RBM19: variants seen among roughly 807,000 people sequenced by gnomAD.
RBM19 encodes RNA binding motif protein 19.
RBM19 carries 94 observed loss-of-function variants against 116.8 expected under a neutral mutation model. That is an observed-to-expected ratio of 0.80 (90% CI 0.68 to 0.95). The LOEUF is 0.95. Ranked by LOEUF, RBM19 falls within the 40% of genes least tolerant of loss-of-function variation. The pLI is 0.00. For missense variants in RBM19, 1,161 were observed against 1,220.7 expected (o/e 0.95, Z 0.73); for synonymous variants, 475 against 494.1 (o/e 0.96, Z 0.51).
chr12:113,931,599 T>C (rs1869605877), intron 16 of RBM19, among the ~76,000 whole-genome samples: 3 of 152,192 alleles, frequency 2.0e-5, no homozygotes, highest in Non-Finnish European at 4.4e-5. Flanking sequence ...CCACCTTCCC[T>C]GACTTCATCC....
At chr12:113,948,469 A>C (rs539551261) in intron 10 of RBM19, among the ~76,000 whole-genome samples, 1 of 152,350 alleles carries the variant, frequency 6.6e-6, no homozygotes, top group Admixed American at 6.5e-5. Flanking sequence ...TCATCAGGTG[A>C]AACCTGTACA....
At chr12:113,858,980 A>AAAT in intron 21 of RBM19, 84 bp from the exon 22 acceptor site, 1 of 1,251,898 alleles carries the variant, frequency 8.0e-7, no homozygotes, top group Non-Finnish European at 1.2e-6. Flanking sequence ...TCTCACATGT[A>AAAT]AATCCCTTTG....
intron 22 of RBM19, among the ~76,000 whole-genome samples, chr12:113,858,128 C>G (rs1266183852): frequency 6.6e-6 from 1 of 152,244 alleles, no homozygotes; most frequent in African/African-American, 2.4e-5. Flanking sequence ...CTTGTTCACA[C>G]AGCCTCTGCC....
chr12:113,941,774 G>A (rs1452048307), intron 14 of RBM19, among the ~76,000 whole-genome samples: 1 of 152,194 alleles, frequency 6.6e-6, no homozygotes, highest in Non-Finnish European at 1.5e-5. Context: ...GCTGTTTTGG[G>A]AGTCAGAAGC....
At chr12:113,856,488 G>T (rs746518540) in intron 22 of RBM19, among the ~76,000 whole-genome samples, 1 of 152,246 alleles carries the variant, frequency 6.6e-6, no homozygotes, top group Non-Finnish European at 1.5e-5. Context: ...TGTCAACTCG[G>T]CATCAACCTC....
At chr12:113,919,537 C>G (rs1252866924) in intron 19 of RBM19, among the ~76,000 whole-genome samples, 2 of 152,196 alleles carry the variant, frequency 1.3e-5, no homozygotes, top group Non-Finnish European at 2.9e-5. Context: ...CGCCACTGCA[C>G]TCCAGCCTGG....
Position 113,942,392 on chromosome 12 carries a change from T to A in RBM19, c.1669A>T (p.Thr557Ser). Residue 557 changes from threonine (T) to serine (S), a missense_variant, in exon 14 of 24, where the codon ACC becomes TCC. By Grantham distance (58) the Thr-to-Ser change is moderately conservative. Coordinates refer to ENST00000261741, the MANE Select transcript of RBM19 (RefSeq NM_016196.4). ...CGCCGCACTTCCTGGACGAGCTGGG[T>A]TTCCCCCAGAGCCACGCGCACGGCC... Reference protein sequence around the residue: ...SVAVRVALGETQLVQEVRRFL... With the variant: ...SVAVRVALGESQLVQEVRRFL... The A allele has an allele frequency of 3.7e-6, 6 of 1,609,316 alleles. No individual in the cohort carries two copies. Among genetic ancestry groups the A allele is most frequent in the Non-Finnish European group, 5.1e-6 (6 of 1,179,908 alleles).
At chr12:113,913,807 TGTTCACCCACGC>T (rs900972438) in intron 21 of RBM19, among the ~76,000 whole-genome samples, 1 of 152,202 alleles carries the variant, frequency 6.6e-6, no homozygotes, top group Non-Finnish European at 1.5e-5. Flanking sequence ...GAATCCTAAA[TGTTCACCCACGC>T]GCAGGCCATG....
intron 16 of RBM19, among the ~76,000 whole-genome samples, chr12:113,932,081 CCCTTAT>C (rs2135888955): frequency 6.6e-6 from 1 of 152,296 alleles, no homozygotes; most frequent in Non-Finnish European, 1.5e-5. Flanking sequence ...CATGAAATAG[CCCTTAT>C]TGTGATCGAG....
At chr12:113,952,000 A>T (rs12581182) in intron 8 of RBM19, among the ~76,000 whole-genome samples, 12,474 of 152,160 alleles carry the variant, frequency 0.082, 592 homozygotes, top group East Asian at 0.11. Context: ...ACAGGTGCCC[A>T]CCTCCCCGAG....
chr12:113,876,396 G>A (rs1200291065), intron 21 of RBM19, among the ~76,000 whole-genome samples: 1 of 152,152 alleles, frequency 6.6e-6, no homozygotes, highest in Non-Finnish European at 1.5e-5. Flanking sequence ...TGTGAAATGG[G>A]GACAATGGTC....
intron 4 of RBM19, 91 bp downstream of exon 4, chr12:113,959,774 C>T (rs1454401976): frequency 1.4e-6 from 2 of 1,478,626 alleles, no homozygotes; most frequent in Non-Finnish European, 9.4e-7. Flanking sequence ...TCCTAGCCTC[C>T]ACCCTCTCCC....
At chr12:113,913,671 C>G (rs1882592744) in intron 21 of RBM19, among the ~76,000 whole-genome samples, 1 of 152,218 alleles carries the variant, frequency 6.6e-6, no homozygotes, top group Non-Finnish European at 1.5e-5. Flanking sequence ...TTTCTCATCT[C>G]CAAAACACAA....
At chr12:113,926,711 C>T (rs954147534) in intron 17 of RBM19, among the ~76,000 whole-genome samples, 3 of 152,232 alleles carry the variant, frequency 2.0e-5, no homozygotes, top group South Asian at 4.1e-4. Flanking sequence ...TTATTCCCAG[C>T]GGGCGAGAGG....
intron 7 of RBM19, 39 bp downstream of exon 7, chr12:113,955,092 C>T: frequency 6.2e-7 from 1 of 1,600,238 alleles, no homozygotes. Flanking sequence ...GTCTCCTGCT[C>T]CCGCAGGCTG....
Position 113,871,816 on chromosome 12 carries a change from G to A in RBM19, c.2559-12920C>T, listed in dbSNP as rs556422803. ...GCACTGTGTCTCAGTCTTTGCCGCC[G>A]CGCCGGCGAGCGCCGCCCGGGAGGC... On this transcript the variant is annotated intron_variant, in intron 21 of 23. Coordinates refer to ENST00000261741, the MANE Select transcript of RBM19 (RefSeq NM_016196.4). 4.6e-3 allele frequency among the ~76,000 whole-genome samples: 695 copies of A among 151,650 alleles called. 8 individuals are homozygous for A. Among genetic ancestry groups the A allele is most frequent in the African/African-American group, 0.016 (648 of 41,434 alleles).
intron 22 of RBM19, among the ~76,000 whole-genome samples, chr12:113,850,127 C>T (rs1184373266): frequency 3.9e-5 from 6 of 152,248 alleles, no homozygotes; most frequent in African/African-American, 1.2e-4. Context: ...TTAGCCCTAC[C>T]TATGCCTCCA....
At position 113,924,757 on chromosome 12, in the gene RBM19, C is replaced by T. The variant is rs138839651; in HGVS notation, c.2245G>A (p.Val749Met). The change falls in exon 18 of 24, where the codon GTG (valine) becomes ATG (methionine). Residue 749 changes from valine (V) to methionine (M), a missense_variant and splice_region_variant. Physicochemically the swap from Val to Met is conservative, Grantham distance 21 (BLOSUM62 1). Transcript: ENST00000261741. ...FDTTEEKLKEVFSKVGTVKSC... is the reference protein window; with the variant it reads ...FDTTEEKLKEMFSKVGTVKSC... ...TTCACTGTCCCCACTTTTGAAAACA[C>T]CTGGATAAGAAAGTAACAAGTATCA... is the stretch of plus-strand genomic sequence containing the variant. 23 of 1,541,878 alleles carry T rather than the reference C, an allele frequency of 1.5e-5. No homozygotes were observed. The highest frequency in any genetic ancestry group is 1.9e-5 in the Non-Finnish European group (21 of 1,114,512).
At position 113,871,357 on chromosome 12, in the gene RBM19, T is replaced by C. The variant is rs531591461; in HGVS notation, c.2559-12461A>G. Reference sequence around the variant, plus strand: ...TATTTAATTTCTCATCCCAGAGGAGTTGAAAAGGGCACTGGGATTAATAGT... The same window carrying C: ...TATTTAATTTCTCATCCCAGAGGAGCTGAAAAGGGCACTGGGATTAATAGT... On this transcript the variant is annotated intron_variant, in intron 21 of 23. Coordinates refer to ENST00000261741, the MANE Select transcript of RBM19 (RefSeq NM_016196.4). Among the ~76,000 whole-genome samples, 12 of 152,272 alleles carry C rather than the reference T, an allele frequency of 7.9e-5. No individual in the cohort carries two copies. The South Asian group carries it at 1.9e-3, about 24-fold the overall frequency.
Sources: allele counts gnomAD v4.1 joint callset (sites outside exome capture counted in the v4.1 genomes callset), GRCh38; gene constraint gnomAD v4.1.1; transcripts MANE v1.5; gene names NCBI Gene and HGNC (gene_info 2026-07-23, HGNC 2026-07-21).